Variants in LSAMP observed in about 807,000 individuals in gnomAD.
The protein encoded by LSAMP is limbic system associated membrane protein.
A neutral mutation model predicts 38.6 loss-of-function variants in LSAMP; 7 were observed. The ratio of observed to expected loss-of-function variants is 0.18; its 90% CI spans 0.10 to 0.34. The LOEUF (loss-of-function observed/expected upper bound fraction) is 0.34. Ranked by LOEUF, LSAMP falls within the 10% of genes least tolerant of loss-of-function variation. The probability of loss-of-function intolerance (pLI) is 1.00; values close to 1 mark genes in which losing one functional copy is unlikely to be tolerated. For synonymous variants in LSAMP, 154 were observed against 166.8 expected (o/e 0.92, Z 0.59); for missense variants, 313 against 420.0 (o/e 0.75, Z 2.23).
intron 3 of LSAMP, among the ~76,000 whole-genome samples, chr3:115,904,805 T>C (rs1457087030): frequency 6.6e-6 from 1 of 152,132 alleles, no homozygotes. Flanking sequence ...CCTATTGTGC[T>C]GTTGTTGCAG....
At position 116,106,639 on chromosome 3, in the gene LSAMP, CT is replaced by C. The variant is rs1708474422; in HGVS notation, c.156-20084del. Among the ~76,000 whole-genome samples the C allele has an allele frequency of 3.9e-5, 6 of 152,208 alleles. No individual in the cohort carries two copies. In the South Asian group the frequency reaches 1.2e-3, roughly 32 times the overall value. On this transcript the variant is annotated intron_variant, in intron 1 of 6. Transcript: ENST00000490035. ...GCTTGGCTGATTTGACTAATAAAGG[CT>C]GGTCTGTTATCAGACTGTATAGAGG...
chr3:116,307,277 C>T (rs1375182812), intron 1 of LSAMP, among the ~76,000 whole-genome samples: 1 of 151,866 alleles, frequency 6.6e-6, no homozygotes, highest in Non-Finnish European at 1.5e-5. Flanking sequence ...CAAAGTTCAC[C>T]TCTATTTGGG....
chr3:116,289,826 A>T (rs907918815), intron 1 of LSAMP, among the ~76,000 whole-genome samples: 5 of 152,212 alleles, frequency 3.3e-5, no homozygotes, highest in African/African-American at 7.2e-5. Flanking sequence ...TGCTACAAAG[A>T]AGAGAGTCAC....
intron 3 of LSAMP, among the ~76,000 whole-genome samples, chr3:115,896,421 T>A (rs2107470928): frequency 6.6e-6 from 1 of 152,052 alleles, no homozygotes; most frequent in African/African-American, 2.4e-5. Flanking sequence ...GGTAGTTGAG[T>A]GAGGTGTAAT....
At chr3:116,194,843 A>G (rs943786978) in intron 1 of LSAMP, among the ~76,000 whole-genome samples, 2 of 152,248 alleles carry the variant, frequency 1.3e-5, no homozygotes, top group Admixed American at 6.5e-5. Context: ...TCTTGACATT[A>G]AAGTAGATTT....
At chr3:115,874,281 A>G (rs1936125653) in intron 3 of LSAMP, among the ~76,000 whole-genome samples, 1 of 152,008 alleles carries the variant, frequency 6.6e-6, no homozygotes, top group Admixed American at 6.6e-5. Flanking sequence ...ACCAGCTCCA[A>G]TGCCCTCTCC....
intron 3 of LSAMP, among the ~76,000 whole-genome samples, chr3:115,983,020 C>A (rs1482523713): frequency 6.7e-6 from 1 of 149,890 alleles, no homozygotes; most frequent in Non-Finnish European, 1.5e-5. Flanking sequence ...AAAAGTAATG[C>A]TATGGAAAAT....
chr3:116,141,720 T>A (rs1399867424), intron 1 of LSAMP, among the ~76,000 whole-genome samples: 2 of 151,894 alleles, frequency 1.3e-5, no homozygotes, highest in African/African-American at 4.8e-5. Context: ...CAATCTCAGA[T>A]TCCCCAGGAA....
chr3:115,848,258 T>C (rs1434651624), intron 4 of LSAMP, among the ~76,000 whole-genome samples: 4 of 152,158 alleles, frequency 2.6e-5, no homozygotes, highest in Admixed American at 6.5e-5. Context: ...TCCATGTCTC[T>C]ACTAAAAATA....
At chr3:115,983,537 T>C (rs1939424586) in intron 3 of LSAMP, among the ~76,000 whole-genome samples, 1 of 151,950 alleles carries the variant, frequency 6.6e-6, no homozygotes, top group South Asian at 2.1e-4. Flanking sequence ...AAAATAATAG[T>C]AATAATAATA....
At chr3:115,811,475 C>T (rs1229127306) in intron 6 of LSAMP, among the ~76,000 whole-genome samples, 1 of 152,030 alleles carries the variant, frequency 6.6e-6, no homozygotes, top group Admixed American at 6.5e-5. Flanking sequence ...CATACTTAAA[C>T]AATGATGTTC....
intron 1 of LSAMP, among the ~76,000 whole-genome samples, chr3:116,144,877 C>T (rs892232983): frequency 2.6e-5 from 4 of 151,820 alleles, no homozygotes; most frequent in African/African-American, 9.7e-5. Context: ...AACACATAGG[C>T]TCAGTTGAAC....
At chr3:116,127,198 T>A (rs1709027075) in intron 1 of LSAMP, among the ~76,000 whole-genome samples, 1 of 152,228 alleles carries the variant, frequency 6.6e-6, no homozygotes, top group African/African-American at 2.4e-5. Flanking sequence ...TAATTTACCA[T>A]ATGAAGTTTT....
chr3:116,245,946 AG>A (rs1280021538), intron 1 of LSAMP, among the ~76,000 whole-genome samples: 1 of 152,206 alleles, frequency 6.6e-6, no homozygotes, highest in Non-Finnish European at 1.5e-5. Context: ...GTAGGCCAAA[AG>A]GTAGGTGGCC....
intron 1 of LSAMP, among the ~76,000 whole-genome samples, chr3:116,336,079 G>T (rs191202598): frequency 1.3e-5 from 2 of 152,008 alleles, no homozygotes; most frequent in Admixed American, 1.3e-4. Flanking sequence ...AATGAAATTG[G>T]ACCCTTGCCT....
chr3:116,387,354 C>T (rs1187228807), intron 1 of LSAMP, among the ~76,000 whole-genome samples: 1 of 152,034 alleles, frequency 6.6e-6, no homozygotes, highest in African/African-American at 2.4e-5. Context: ...ACAATTAGAA[C>T]AATTTAGATA....
rs367935123 is a variant in LSAMP, at chr3:115,813,147, A to G, written c.920-2733T>C. Among the ~76,000 whole-genome samples the G allele has an allele frequency of 3.3e-5, 5 of 152,234 alleles. No homozygotes were observed. In the South Asian group the frequency reaches 6.2e-4, roughly 19 times the overall value. On this transcript the variant is annotated intron_variant, in intron 6 of 6. Coordinates refer to ENST00000490035, the MANE Select transcript of LSAMP (RefSeq NM_002338.5). ...GGAATCTCAGTATAACTATGTTAAT[A>G]ATCTTTAATTTTATCCTTCATAATA...
intron 1 of LSAMP, among the ~76,000 whole-genome samples, chr3:116,306,271 A>T (rs1431624654): frequency 1.3e-5 from 2 of 152,018 alleles, no homozygotes; most frequent in African/African-American, 4.8e-5. Flanking sequence ...AGGGTGAATA[A>T]AAGTGTAGTC....
chr3:116,092,878 T>C (rs569903160), intron 1 of LSAMP, among the ~76,000 whole-genome samples: 1 of 152,346 alleles, frequency 6.6e-6, no homozygotes, highest in South Asian at 2.1e-4. Flanking sequence ...GCCTGTTCAA[T>C]TGCTGCTGGA....
Sources: allele counts gnomAD v4.1 joint callset (sites outside exome capture counted in the v4.1 genomes callset), GRCh38; gene constraint gnomAD v4.1.1; transcripts MANE v1.5; gene names NCBI Gene and HGNC (gene_info 2026-07-23, HGNC 2026-07-21).